SLC4A10: variants seen among roughly 807,000 people sequenced by gnomAD.
SLC4A10 encodes sodium-driven chloride bicarbonate exchanger.
SLC4A10 carries 42 observed loss-of-function variants against 137.7 expected under a neutral mutation model. That is an observed-to-expected ratio of 0.30 (90% confidence interval 0.24 to 0.39). The LOEUF is 0.39. Ranked by LOEUF, SLC4A10 falls within the 10% of genes least tolerant of loss-of-function variation. The probability of loss-of-function intolerance (pLI) is 1.00; values close to 1 mark genes in which losing one functional copy is unlikely to be tolerated. For synonymous variants in SLC4A10, 474 were observed against 464.1 expected (o/e 1.02, Z -0.27); for missense variants, 925 against 1,355.0 (o/e 0.68, Z 4.98).
At chr2:161,830,141 G>A (rs944739218) in intron 3 of SLC4A10, among the ~76,000 whole-genome samples, 17 of 147,878 alleles carry the variant, frequency 1.1e-4, no homozygotes, top group Non-Finnish European at 2.1e-4. Flanking sequence ...CCCAAGGAAT[G>A]CATATTGTAG....
intron 2 of SLC4A10, among the ~76,000 whole-genome samples, chr2:161,789,465 T>C (rs188964003): frequency 6.6e-6 from 1 of 152,084 alleles, no homozygotes; most frequent in Admixed American, 6.6e-5. Context: ...ACCATTCAAC[T>C]GTAACTTTGA....
At chr2:161,936,145 A>G (rs1227322892) in intron 15 of SLC4A10, among the ~76,000 whole-genome samples, 1 of 152,164 alleles carries the variant, frequency 6.6e-6, no homozygotes, top group Non-Finnish European at 1.5e-5. Context: ...TCACTTGATC[A>G]TGATGAATTA....
intron 3 of SLC4A10, among the ~76,000 whole-genome samples, chr2:161,822,922 C>A (rs2057742020): frequency 6.6e-6 from 1 of 152,022 alleles, no homozygotes; most frequent in South Asian, 2.1e-4. Flanking sequence ...CTGCAGTGAG[C>A]CAAGACAGTG....
chr2:161,835,104 C>T (rs1482278777), intron 3 of SLC4A10, among the ~76,000 whole-genome samples: 2 of 148,602 alleles, frequency 1.3e-5, no homozygotes, highest in Non-Finnish European at 3.0e-5. Flanking sequence ...ATAGCGCAAT[C>T]TTGGCTCACT....
chr2:161,858,598 G>A (rs956396429), intron 5 of SLC4A10, among the ~76,000 whole-genome samples: 1 of 152,088 alleles, frequency 6.6e-6, no homozygotes, highest in Non-Finnish European at 1.5e-5. Context: ...GAGATTAATT[G>A]TATTGAATAT....
intron 26 of SLC4A10, among the ~76,000 whole-genome samples, chr2:161,979,802 C>T (rs189246546): frequency 5.5e-4 from 84 of 152,264 alleles, no homozygotes; most frequent in Middle Eastern, 6.8e-3. Context: ...GCCTTTGACA[C>T]CCCCCATTCT....
intron 2 of SLC4A10, among the ~76,000 whole-genome samples, chr2:161,783,716 A>G (rs1257544592): frequency 6.6e-6 from 1 of 151,822 alleles, no homozygotes; most frequent in Non-Finnish European, 1.5e-5. Context: ...GACTGTCATT[A>G]CTATAAGGTA....
rs1171541322 is a variant in SLC4A10 at position 161,945,939 on chromosome 2, C to G, written c.2104-1627C>G. On this transcript the variant is annotated intron_variant, in intron 16 of 26. Transcript: ENST00000446997. ...ACAAATTTATAGATAATGTGTTTATCATGGAACTTTTAGCTCCTTTTTCTA... is the reference window on the plus strand; with the variant it reads ...ACAAATTTATAGATAATGTGTTTATGATGGAACTTTTAGCTCCTTTTTCTA... Among the ~76,000 whole-genome samples the G allele has an allele frequency of 5.9e-5, 9 of 152,002 alleles. No homozygotes were observed. In the South Asian group the frequency reaches 1.4e-3, roughly 24 times the overall value.
intron 1 of SLC4A10, among the ~76,000 whole-genome samples, chr2:161,695,199 C>A (rs888394071): frequency 2.0e-5 from 3 of 151,932 alleles, no homozygotes; most frequent in Non-Finnish European, 2.9e-5. Context: ...TTCAATCTTC[C>A]TTTATTCTGT....
chr2:161,738,741 C>T (rs1282002533), intron 1 of SLC4A10, among the ~76,000 whole-genome samples: 1 of 152,052 alleles, frequency 6.6e-6, no homozygotes, highest in East Asian at 1.9e-4. Context: ...ATTCTTTTTT[C>T]TCTTCATTTG....
intron 1 of SLC4A10, among the ~76,000 whole-genome samples, chr2:161,722,271 T>G (rs1458684005): frequency 6.6e-6 from 1 of 152,172 alleles, no homozygotes; most frequent in Non-Finnish European, 1.5e-5. Context: ...TCTGGCTTTT[T>G]GAGTTTTCAG....
chr2:161,668,884 A>T (rs1243993087), intron 1 of SLC4A10, among the ~76,000 whole-genome samples: 3 of 151,902 alleles, frequency 2.0e-5, no homozygotes. Context: ...TTCACCTTTC[A>T]ATTTATTTCA....
intron 1 of SLC4A10, among the ~76,000 whole-genome samples, chr2:161,722,853 CTG>C (rs1181755582): frequency 6.6e-6 from 1 of 152,242 alleles, no homozygotes; most frequent in Non-Finnish European, 1.5e-5. Context: ...AGATTTCTCT[CTG>C]TAAACGCCTG....
intron 1 of SLC4A10, among the ~76,000 whole-genome samples, chr2:161,721,484 CT>C (rs2045666830): frequency 6.6e-6 from 1 of 152,136 alleles, no homozygotes; most frequent in Admixed American, 6.5e-5. Context: ...GTTAGAAATT[CT>C]TTTCTTTAAG....
intron 1 of SLC4A10, among the ~76,000 whole-genome samples, chr2:161,692,890 T>C (rs142031875): frequency 1.3e-5 from 2 of 152,012 alleles, no homozygotes; most frequent in African/African-American, 4.8e-5. Context: ...GTTAGCAGCC[T>C]TAGCAGCCAT....
At chr2:161,659,722 A>T (rs1337953773) in intron 1 of SLC4A10, among the ~76,000 whole-genome samples, 1 of 152,246 alleles carries the variant, frequency 6.6e-6, no homozygotes, top group Non-Finnish European at 1.5e-5. Flanking sequence ...TCATAAGAAC[A>T]TTTATAATAG....
At chr2:161,826,593 A>C (rs2058034640) in intron 3 of SLC4A10, among the ~76,000 whole-genome samples, 1 of 152,182 alleles carries the variant, frequency 6.6e-6, no homozygotes, top group Non-Finnish European at 1.5e-5. Flanking sequence ...AGCCCTGGTT[A>C]ATTAGTATGT....
chr2:161,816,462 C>A (rs1455211285), intron 3 of SLC4A10, among the ~76,000 whole-genome samples: 3 of 151,774 alleles, frequency 2.0e-5, no homozygotes, highest in Non-Finnish European at 4.4e-5. Context: ...TTTGGAAAAA[C>A]GTTTGAATTT....
chr2:161,804,813 A>G (rs147242314), intron 3 of SLC4A10, among the ~76,000 whole-genome samples: 5 of 152,276 alleles, frequency 3.3e-5, no homozygotes, highest in African/African-American at 4.8e-5. Context: ...GATTTATGAT[A>G]TAGGAAATAC....
Sources: allele counts gnomAD v4.1 joint callset (sites outside exome capture counted in the v4.1 genomes callset), GRCh38; gene constraint gnomAD v4.1.1; transcripts MANE v1.5; gene names NCBI Gene and HGNC (gene_info 2026-07-23, HGNC 2026-07-21).